Variants in KLHDC7B observed in about 807,000 individuals in gnomAD.
KLHDC7B encodes the protein kelch domain containing 7B.
KLHDC7B carries 1 observed loss-of-function variant against 0.6 expected under a neutral mutation model. That is an observed-to-expected ratio of 1.71 (90% CI 0.61 to 8.11). The LOEUF (loss-of-function observed/expected upper bound fraction) is 8.11, where lower values mean the gene tolerates loss of function less well. Among genes scored for constraint, KLHDC7B ranks in the 30% most tolerant of loss-of-function variants. The pLI, the probability that KLHDC7B is intolerant of heterozygous loss-of-function variation, is 0.13. For missense variants in KLHDC7B, 993 were observed against 894.9 expected (o/e 1.11, Z -1.40); for synonymous variants, 462 against 405.2 (o/e 1.14, Z -1.68).
chr22:50,549,472 G>A lies in KLHDC7B; in HGVS notation c.3229G>A (p.Ala1077Thr), dbSNP rs144157815. The A allele has an allele frequency of 3.7e-5, 60 of 1,612,450 alleles. No individual in the cohort carries two copies. The African/African-American group carries it at 6.5e-4, about 18-fold the overall frequency. Residue 1077 changes from alanine (A) to threonine (T), a missense_variant, in exon 1 of 1, where the codon GCA (alanine) becomes ACA (threonine). By Grantham distance (58) the Ala-to-Thr change is moderately conservative. Coordinates refer to ENST00000648057, the MANE Select transcript of KLHDC7B (RefSeq NM_138433.5). ...CTGGACCCCACGCGCGCCACTCCCC[G>A]CAGGCACCTTCCCTGTGGCCCACGA... The part of the protein sequence containing the change: ...DAWTPRAPLP[A>T]GTFPVAHEAV...
chr22:50,548,585 C>CGA lies in KLHDC7B; in HGVS notation c.421_422dup (p.Ser141ArgfsTer106). 2 of 1,546,476 alleles carry CGA rather than the reference C, an allele frequency of 1.3e-6. No individual in the cohort carries two copies. Among genetic ancestry groups the CGA allele is most frequent in the South Asian group, 2.4e-5 (2 of 84,084 alleles). Reference sequence around the variant, plus strand: ...AAACGCAGCAGGTGCGAAATCGCCCCGAGCTCGGAGCAGGAGGTCAGGCCG... The same window carrying CGA: ...AAACGCAGCAGGTGCGAAATCGCCCCGAGAGCTCGGAGCAGGAGGTCAGGCCG... On this transcript the variant is annotated frameshift_variant, in exon 1 of 1. Transcript: ENST00000395676. LOFTEE classifies it low-confidence loss of function (END_TRUNC). The surrounding 1 kb of genome is among the most constrained non-coding windows in gnomAD (Gnocchi z 5.3).
In KLHDC7B at chr22:50,549,836, G is replaced by T; in HGVS notation, c.3593G>T (p.Gly1198Val). The change falls in exon 1 of 1, where the codon GGG becomes GTG. Residue 1198 changes from glycine (G) to valine (V), a missense_variant. Transcript: ENST00000648057. Reference protein sequence around the residue: ...QVTATFTVSGGTAQFQAKELQ... With the variant: ...QVTATFTVSGVTAQFQAKELQ... ...ACTGCCACCTTCACGGTCTCTGGGG[G>T]GACTGCCCAGTTCCAGGCCAAGGAG... 1.3e-6 allele frequency: 2 copies of T among 1,584,628 alleles called. No individual in the cohort carries two copies. The highest frequency in any genetic ancestry group is 1.7e-6 in the Non-Finnish European group (2 of 1,165,412).
In KLHDC7B at chr22:50,547,870, C is replaced by G; in HGVS notation, c.1627C>G (p.Pro543Ala). Among the ~76,000 whole-genome samples the G allele has an allele frequency of 8.0e-6, 1 of 124,708 alleles. No homozygotes were observed. Among genetic ancestry groups the G allele is most frequent in the Non-Finnish European group, 1.7e-5 (1 of 57,920 alleles). The allele number at this position is 124,708 out of a possible 152,430, so 81.8% of individuals were successfully genotyped here. A position where few individuals can be genotyped will look rare whatever the true frequency, so the allele number is the denominator to read the frequency against. Residue 543 changes from proline to alanine, a missense_variant, in exon 1 of 1, where the codon CCA (proline) becomes GCA (alanine). Coordinates refer to ENST00000648057, the MANE Select transcript of KLHDC7B (RefSeq NM_138433.5). ...APVPVPTLTP[P>A]SPALTPVPTP... The stretch of plus-strand genomic sequence containing the variant: ...AGTCCCAGTCCCAACCCTCACACCC[C>G]CATCCCCAGCCCTAACCCCAGTCCC...
Position 50,549,522 on chromosome 22 carries a change from C to G in KLHDC7B, c.3279C>G (p.Ile1093Met), listed in dbSNP as rs749095291. 3 of 1,608,830 alleles carry G rather than the reference C, an allele frequency of 1.9e-6. No individual in the cohort carries two copies. In the African/African-American group the frequency reaches 4.0e-5, roughly 21 times the overall value. The change falls in exon 1 of 1, where the codon ATC becomes ATG. Residue 1093 changes from isoleucine (I) to methionine (M), a missense_variant. Transcript: ENST00000648057. ...AGGCTGTGGCCTGCCGTGGGGACAT[C>G]TACGTCACCGGGGGTCACCTCTTCT... ...AHEAVACRGD[I>M]YVTGGHLFYR... is the part of the protein sequence containing the mutation.
chr22:50,550,054 T>G lies in KLHDC7B; in HGVS notation c.*103T>G. ...CAGGGAAGGGGCTGGGATCGGAACT[T>G]CCTGCTCTTGTTTCTGGACAACTTT... On this transcript the variant is annotated 3_prime_UTR_variant, in exon 1 of 1. Transcript: ENST00000648057. The G allele has an allele frequency of 8.2e-7, 1 of 1,220,168 alleles. No individual in the cohort carries two copies. Among genetic ancestry groups the G allele is most frequent in the Non-Finnish European group, 1.1e-6 (1 of 898,708 alleles). 75.6% of individuals were successfully genotyped at this position (1,220,168 alleles called of 1,614,324 possible). A position where few individuals can be genotyped will look rare whatever the true frequency, so the allele number is the denominator to read the frequency against.
Position 50,546,922 on chromosome 22 carries a change from G to C in KLHDC7B, c.679G>C (p.Gly227Arg), listed in dbSNP as rs2069736000. Among the ~76,000 whole-genome samples, 3 of 152,074 alleles carry C rather than the reference G, an allele frequency of 2.0e-5. No individual in the cohort carries two copies. The South Asian group carries it at 6.2e-4, about 31-fold the overall frequency. The change falls in exon 1 of 1, where the codon GGC becomes CGC. Residue 227 changes from glycine to arginine, a missense_variant. Transcript: ENST00000648057. ...GGGGCCCTCGGGCTCGATGGGGAGA[G>C]GCCGGGGCCGGCGGCGGCGGATGGA... is the stretch of plus-strand genomic sequence containing the variant. ...GAGPSGSMGR[G>R]RGRRRRMDAG...
rs774489217 is a variant in KLHDC7B, at chr22:50,546,414, G to A, written c.171G>A (p.Pro57=). 1.2e-3 allele frequency: 491 copies of A among 399,280 alleles called. No homozygotes were observed. Among genetic ancestry groups the A allele is most frequent in the Non-Finnish European group, 1.4e-3 (320 of 226,278 alleles). The allele number at this position is 399,280 out of a possible 1,614,324, so 24.7% of individuals were successfully genotyped here. A position where few individuals can be genotyped will look rare whatever the true frequency, so the allele number is the denominator to read the frequency against. The change falls in exon 1 of 1, where the codon CCG becomes CCA. Residue 57 remains proline, a synonymous_variant. Transcript: ENST00000648057. Reference sequence around the variant, plus strand: ...GGCACGATCAAGAGGCGGCAGAACCGGTGTCCACAGCCCTCGGGGCTCAAC... The same window carrying A: ...GGCACGATCAAGAGGCGGCAGAACCAGTGTCCACAGCCCTCGGGGCTCAAC... ...GSGHDQEAAE[P]VSTALGAQPH...
Position 50,547,580 on chromosome 22 carries a change from T to C in KLHDC7B, c.1337T>C (p.Leu446Pro), listed in dbSNP as rs2069745725. 2.5e-6 allele frequency: 1 copy of C among 400,372 alleles called. No individual in the cohort carries two copies. The highest frequency in any genetic ancestry group is 4.4e-5 in the Admixed American group (1 of 22,758). The allele number at this position is 400,372 out of a possible 1,614,324, so 24.8% of individuals were successfully genotyped here. The change falls in exon 1 of 1, where the codon CTG becomes CCG. Residue 446 changes from leucine to proline, a missense_variant. Coordinates refer to ENST00000648057, the MANE Select transcript of KLHDC7B (RefSeq NM_138433.5). The part of the protein sequence containing the change: ...TLPSPSDFLP[L>P]EVTQDPSVGE... The stretch of plus-strand genomic sequence containing the variant: ...CCCTCTCCTTCAGACTTTTTGCCCC[T>C]GGAGGTTACCCAGGATCCTTCCGTG...
Position 50,546,136 on chromosome 22 carries a change from T to C in KLHDC7B, c.-108T>C, listed in dbSNP as rs976991843. Among the ~76,000 whole-genome samples the C allele has an allele frequency of 1.3e-5, 2 of 152,192 alleles. No individual in the cohort carries two copies. Among genetic ancestry groups the C allele is most frequent in the Admixed American group, 1.3e-4 (2 of 15,280 alleles). ...CCAGGCCCTGGAGGACTGGTCCACC[T>C]TAACTGGGCAGCCCTTGGGGCAGGC... On this transcript the variant is annotated 5_prime_UTR_variant, in exon 1 of 1. Coordinates refer to ENST00000648057, the MANE Select transcript of KLHDC7B (RefSeq NM_138433.5).
Position 50,549,186 on chromosome 22 carries a change from G to A in KLHDC7B, c.2943G>A (p.Glu981=). ...GGCGGCCCCTGACCCAGGTGCCCGA[G>A]GAGGCCCCGCTTCGGGGCTGCGGTC... ...NTWRPLTQVP[E]EAPLRGCGLC... is the part of the protein sequence containing the mutation. Residue 981 remains glutamate (E), a synonymous_variant, in exon 1 of 1, where the codon GAG becomes GAA. Transcript: ENST00000648057. 6.2e-7 allele frequency: 1 copy of A among 1,606,046 alleles called. No homozygotes were observed. Among genetic ancestry groups the A allele is most frequent in the East Asian group, 2.2e-5 (1 of 44,862 alleles).
rs537531316 is a variant in KLHDC7B, at chr22:50,546,464, T to C, written c.221T>C (p.Leu74Pro). ...AQPHQAGGAE[L>P]ALQPKSKVSD... The stretch of plus-strand genomic sequence containing the variant: ...CCTCATCAGGCAGGAGGAGCTGAGC[T>C]GGCCCTGCAACCGAAGTCTAAGGTC... The change falls in exon 1 of 1, where the codon CTG becomes CCG. Residue 74 changes from leucine (L) to proline (P), a missense_variant. Leu to Pro is a moderately conservative substitution (Grantham distance 98). Transcript: ENST00000648057. 7.5e-5 allele frequency: 30 copies of C among 399,364 alleles called. No homozygotes were observed. The South Asian group carries it at 8.9e-4, about 12-fold the overall frequency. The allele number at this position is 399,364 out of a possible 1,614,324, so 24.7% of individuals were successfully genotyped here.
Position 50,548,066 on chromosome 22 carries a change from C to A in KLHDC7B, c.1823C>A (p.Ser608Tyr). The A allele has an allele frequency of 2.8e-6, 3 of 1,055,568 alleles. No individual in the cohort carries two copies. Among genetic ancestry groups the A allele is most frequent in the Admixed American group, 3.5e-5 (1 of 28,474 alleles). 65.4% of individuals were successfully genotyped at this position (1,055,568 alleles called of 1,614,324 possible). Residue 608 changes from serine (S) to tyrosine (Y), a missense_variant, in exon 1 of 1, where the codon TCC (serine) becomes TAC (tyrosine). Transcript: ENST00000648057. The surrounding 1 kb of genome is among the most constrained non-coding windows in gnomAD (Gnocchi z 5.3). ...GCCCCAACCCCAACCCCAGCCGCATCCCCTGCCCCAGCTGACGGGTCAAAG... is the reference window on the plus strand; with the variant it reads ...GCCCCAACCCCAACCCCAGCCGCATACCCTGCCCCAGCTGACGGGTCAAAG... ...TSAPTPTPAA[S>Y]PAPADGSKPQ... is the part of the protein sequence containing the mutation.
At position 50,548,060 on chromosome 22, in the gene KLHDC7B, C is replaced by A. The variant is rs1021572116; in HGVS notation, c.1817C>A (p.Ala606Asp). The A allele has an allele frequency of 9.4e-6, 13 of 1,375,758 alleles. No homozygotes were observed. In the African/African-American group the frequency reaches 1.9e-4, roughly 20 times the overall value. The allele number at this position is 1,375,758 out of a possible 1,614,324, so 85.2% of individuals were successfully genotyped here. A position where few individuals can be genotyped will look rare whatever the true frequency, so the allele number is the denominator to read the frequency against. The change falls in exon 1 of 1, where the codon GCC becomes GAC. Residue 606 changes from alanine to aspartate, a missense_variant. Transcript: ENST00000648057. This position sits in a 1 kb window ranked among gnomAD's most constrained non-coding sequence, Gnocchi z 5.3. ...ACCTCAGCCCCAACCCCAACCCCAG[C>A]CGCATCCCCTGCCCCAGCTGACGGG... ...APTSAPTPTP[A>D]ASPAPADGSK...
At position 50,550,589 on chromosome 22, in the gene KLHDC7B, C is replaced by A. The variant is rs932219453; in HGVS notation, c.*638C>A. 30 of 165,044 alleles carry A rather than the reference C, an allele frequency of 1.8e-4. No homozygotes were observed. Among genetic ancestry groups the A allele is most frequent in the Non-Finnish European group, 3.8e-4 (26 of 68,998 alleles). The allele number at this position is 165,044 out of a possible 1,614,324, so 10.2% of individuals were successfully genotyped here. On this transcript the variant is annotated 3_prime_UTR_variant, in exon 1 of 1. Coordinates refer to ENST00000648057, the MANE Select transcript of KLHDC7B (RefSeq NM_138433.5). ...GGCCAGGCCCACTCCGGGCTCACCA[C>A]CCTCTGCAGCCTTGTGGGGCTCTCC...
In KLHDC7B at chr22:50,548,166, C is replaced by T. The variant is rs1264700897; in HGVS notation, c.1923C>T (p.Ala641=). ...QVSASWGNLI[A]MVLRSHPFPR... is the part of the protein sequence containing the mutation. The stretch of plus-strand genomic sequence containing the variant: ...CAGCCAGCTGGGGAAACCTTATTGC[C>T]ATGGTTCTTAGAAGCCACCCCTTCC... The change falls in exon 1 of 1, where the codon GCC becomes GCT. Residue 641 remains alanine, a synonymous_variant. Coordinates refer to ENST00000648057, the MANE Select transcript of KLHDC7B (RefSeq NM_138433.5). The surrounding 1 kb of genome is among the most constrained non-coding windows in gnomAD (Gnocchi z 5.3). 11 of 1,506,968 alleles carry T rather than the reference C, an allele frequency of 7.3e-6. No individual in the cohort carries two copies. In the Admixed American group the frequency reaches 1.3e-4, roughly 17 times the overall value. The allele number at this position is 1,506,968 out of a possible 1,614,324, so 93.3% of individuals were successfully genotyped here.
chr22:50,548,935 C>T lies in KLHDC7B; in HGVS notation c.2692C>T (p.Pro898Ser). The change falls in exon 1 of 1, where the codon CCG becomes TCG. Residue 898 changes from proline to serine, a missense_variant. Pro to Ser is a moderately conservative substitution (Grantham distance 74, BLOSUM62 -1). Transcript: ENST00000648057. This position sits in a 1 kb window ranked among gnomAD's most constrained non-coding sequence, Gnocchi z 5.3. ...CAACCTGCTGCGAGTGCTGGGAGAC[C>T]CGTGCCTCTACCGCCGGCTGAGCGC... The part of the protein sequence containing the change: ...SDNLLRVLGD[P>S]CLYRRLSAAD... 6.3e-7 allele frequency: 1 copy of T among 1,597,688 alleles called. No homozygotes were observed. Among genetic ancestry groups the T allele is most frequent in the Non-Finnish European group, 8.5e-7 (1 of 1,173,648 alleles).
At position 50,550,511 on chromosome 22, in the gene KLHDC7B, G is replaced by A. The variant is rs944890325; in HGVS notation, c.*560G>A. 6 of 167,560 alleles carry A rather than the reference G, an allele frequency of 3.6e-5. No individual in the cohort carries two copies. The highest frequency in any genetic ancestry group is 7.2e-5 in the African/African-American group (3 of 41,450). 10.4% of individuals were successfully genotyped at this position (167,560 alleles called of 1,614,324 possible). ...GAACCCTTGCCTCTGAAACTGGTCC[G>A]CTGGTGCAGCCCTGCTGTCTGCAGC... On this transcript the variant is annotated 3_prime_UTR_variant, in exon 1 of 1. Transcript: ENST00000648057.
chr22:50,549,533 G>C lies in KLHDC7B; in HGVS notation c.3290G>C (p.Gly1097Ala). The C allele has an allele frequency of 6.2e-7, 1 of 1,606,256 alleles. No homozygotes were observed. The highest frequency in any genetic ancestry group is 8.5e-7 in the Non-Finnish European group (1 of 1,175,574). ...TGCCGTGGGGACATCTACGTCACCGGGGGTCACCTCTTCTACCGCCTGCTC... is the reference window on the plus strand; with the variant it reads ...TGCCGTGGGGACATCTACGTCACCGCGGGTCACCTCTTCTACCGCCTGCTC... ...VACRGDIYVT[G>A]GHLFYRLLRY... The change falls in exon 1 of 1, where the codon GGG (glycine) becomes GCG (alanine). Residue 1097 changes from glycine (G) to alanine (A), a missense_variant. Gly to Ala is a moderately conservative substitution (Grantham distance 60). Transcript: ENST00000648057.
Position 50,549,941 on chromosome 22 carries a change from C to T in KLHDC7B, c.3698C>T (p.Thr1233Ile). The change falls in exon 1 of 1, where the codon ACC (threonine) becomes ATC (isoleucine). Residue 1233 changes from threonine (T) to isoleucine (I), a missense_variant. Coordinates refer to ENST00000648057, the MANE Select transcript of KLHDC7B (RefSeq NM_138433.5). ...LTLPPEDRLQTSL is the reference protein window; with the variant it reads ...LTLPPEDRLQISL ...CTGCCCCCTGAGGACCGGCTGCAGA[C>T]CTCACTCTGAGTGGCAGGCAGAGAA... The T allele has an allele frequency of 1.3e-6, 2 of 1,559,766 alleles. No homozygotes were observed. The highest frequency in any genetic ancestry group is 1.7e-6 in the Non-Finnish European group (2 of 1,147,282).
Sources: gnomAD v4.1 joint callset for allele counts (sites outside exome capture counted in the v4.1 genomes callset) on GRCh38, gnomAD v4.1.1 for gene constraint, Gnocchi (gnomAD v3.1) non-coding constraint, MANE v1.5 for transcripts, NCBI Gene and HGNC (gene_info 2026-07-23, HGNC 2026-07-21) for gene names.